The following MS4A5 variants were observed in gnomAD, a reference collection of about 807,000 sequenced individuals.
The protein encoded by MS4A5 is membrane-spanning 4-domains subfamily A member 5.
In MS4A5, 15 loss-of-function variants were observed where a neutral mutation model predicts 18.2. That is an observed-to-expected ratio of 0.83 (90% CI 0.55 to 1.27). The LOEUF is 1.27. Ranked by LOEUF, MS4A5 falls within the 50% of genes most tolerant of loss-of-function variation. The pLI, the probability that MS4A5 is intolerant of heterozygous loss-of-function variation, is 0.00. For missense variants in MS4A5, 232 were observed against 225.7 expected (o/e 1.03, Z -0.18); for synonymous variants, 89 against 78.7 (o/e 1.13, Z -0.69).
Position 60,433,697 on chromosome 11 carries a change from C to T in MS4A5, c.340-68C>T, listed in dbSNP as rs2086063591. ...CTAAAATCCTGCTCTCCATTCTCCG[C>T]ACTCATTGCTTTGTTTGTAGTACAG... On this transcript the variant is annotated intron_variant, in intron 3 of 4. Coordinates refer to ENST00000300190, the MANE Select transcript of MS4A5 (RefSeq NM_023945.3). The T allele has an allele frequency of 5.4e-6, 8 of 1,470,952 alleles. No individual in the cohort carries two copies. In the South Asian group the frequency reaches 6.0e-5, roughly 11 times the overall value. The allele number at this position is 1,470,952 out of a possible 1,614,324, so 91.1% of individuals were successfully genotyped here.
At chr11:60,442,370 C>T (rs2086117698) in intron 4 of MS4A5, among the ~76,000 whole-genome samples, 1 of 152,160 alleles carries the variant, frequency 6.6e-6, no homozygotes, top group South Asian at 2.1e-4. Context: ...AGCCATCATT[C>T]TCAGCAAACT....
rs769599167 is a variant in MS4A5 at position 60,433,938 on chromosome 11, G to C, written c.492+21G>C. On this transcript the variant is annotated intron_variant, in intron 4 of 4. Transcript: ENST00000300190. ...TCTTGGTAAGTATGTTGCATTTATAGAGTGATGAGTAAAGGGCTTAATAGA... is the reference window on the plus strand; with the variant it reads ...TCTTGGTAAGTATGTTGCATTTATACAGTGATGAGTAAAGGGCTTAATAGA... 5.0e-6 allele frequency: 8 copies of C among 1,608,516 alleles called. No individual in the cohort carries two copies. The East Asian group carries it at 1.6e-4, about 31-fold the overall frequency.
At chr11:60,435,814 C>T (rs2086076721) in intron 4 of MS4A5, among the ~76,000 whole-genome samples, 2 of 152,002 alleles carry the variant, frequency 1.3e-5, no homozygotes, top group Non-Finnish European at 2.9e-5. Context: ...GCTAGCACAG[C>T]AGTCTGAGAT....
intron 2 of MS4A5, 133 bp downstream of exon 2, chr11:60,431,057 T>C (rs1037975199): frequency 4.4e-6 from 4 of 900,488 alleles, no homozygotes; most frequent in Non-Finnish European, 6.6e-6. Context: ...TTGTTGAAAT[T>C]ATTTCCCCAT....
chr11:60,432,595 G>A (rs1253870571), intron 3 of MS4A5, 128 bp downstream of exon 3: 1 of 477,522 alleles, frequency 2.1e-6, no homozygotes, highest in Non-Finnish European at 3.7e-6. Flanking sequence ...AGACCAGCCT[G>A]GCCAACATGG....
chr11:60,436,684 G>A (rs201215147), intron 4 of MS4A5, among the ~76,000 whole-genome samples: 8,766 of 133,002 alleles, frequency 0.066, 1,589 homozygotes, highest in South Asian at 0.19. Context: ...GATGGAAGAT[G>A]AAATGAATGA....
At chr11:60,445,426 A>T (rs924590342) in intron 4 of MS4A5, among the ~76,000 whole-genome samples, 10 of 151,788 alleles carry the variant, frequency 6.6e-5, no homozygotes, top group African/African-American at 2.4e-4. Context: ...TGCCCAGCTA[A>T]TTTTTTGTAT....
At chr11:60,431,356 A>G (rs2086047553) in intron 2 of MS4A5, among the ~76,000 whole-genome samples, 1 of 152,234 alleles carries the variant, frequency 6.6e-6, no homozygotes, top group South Asian at 2.1e-4. Context: ...TATTCTTTAC[A>G]GAAGTGAAGT....
At position 60,429,685 on chromosome 11, in the gene MS4A5, G is replaced by A. The variant is rs777624175; in HGVS notation, c.11G>A (p.Ser4Asn). ...ATCACCGACACCATCATGGATTCAA[G>A]CACCGCACACAGTCCGGTGTTTCTG... MDS[S>N]TAHSPVFLVF... Residue 4 changes from serine to asparagine, a missense_variant, in exon 1 of 5, where the codon AGC becomes AAC. Physicochemically the swap from Ser to Asn is conservative, Grantham distance 46. Transcript: ENST00000300190. 4.3e-6 allele frequency: 7 copies of A among 1,609,942 alleles called. No homozygotes were observed. The highest frequency in any genetic ancestry group is 5.9e-6 in the Non-Finnish European group (7 of 1,178,894).
chr11:60,429,646 T>A lies in MS4A5; in HGVS notation c.-29T>A, dbSNP rs1441805246. The A allele has an allele frequency of 1.3e-6, 2 of 1,594,020 alleles. No homozygotes were observed. Among genetic ancestry groups the A allele is most frequent in the South Asian group, 1.1e-5 (1 of 87,184 alleles). On this transcript the variant is annotated 5_prime_UTR_variant, in exon 1 of 5. Transcript: ENST00000300190. ...CTAGACTGAAGTACCAACTAAATCA[T>A]CTCCTTTCAAATTATCACCGACACC...
chr11:60,437,032 G>A (rs2086084211), intron 4 of MS4A5, among the ~76,000 whole-genome samples: 1 of 136,450 alleles, frequency 7.3e-6, no homozygotes. Flanking sequence ...GAAAGGTTGG[G>A]TAACCCTCAA....
At chr11:60,443,921 A>T (rs2135179905) in intron 4 of MS4A5, among the ~76,000 whole-genome samples, 1 of 152,322 alleles carries the variant, frequency 6.6e-6, no homozygotes, top group Middle Eastern at 3.4e-3. Context: ...CATGACTAAC[A>T]CAGGAAAAAA....
intron 4 of MS4A5, among the ~76,000 whole-genome samples, chr11:60,436,997 A>G (rs1305553572): frequency 7.4e-6 from 1 of 135,640 alleles, no homozygotes; most frequent in Non-Finnish European, 1.6e-5. Context: ...GAAATGAAGG[A>G]AAAAATGTTA....
At chr11:60,434,228 A>G (rs936997722) in intron 4 of MS4A5, among the ~76,000 whole-genome samples, 2 of 152,180 alleles carry the variant, frequency 1.3e-5, no homozygotes, top group East Asian at 1.9e-4. Flanking sequence ...ATAGCCCTAT[A>G]TGTACATTAG....
At chr11:60,438,495 T>G (rs1307206236) in intron 4 of MS4A5, among the ~76,000 whole-genome samples, 1 of 151,940 alleles carries the variant, frequency 6.6e-6, no homozygotes, top group African/African-American at 2.4e-5. Context: ...GCTGGTTTTT[T>G]GAAAGGATCA....
At chr11:60,435,838 G>T (rs4636687) in intron 4 of MS4A5, among the ~76,000 whole-genome samples, 40,442 of 151,444 alleles carry the variant, frequency 0.27, 5,862 homozygotes, top group Admixed American at 0.39. Context: ...ACTGCAAGGC[G>T]GCAGCAAGGC....
intron 4 of MS4A5, among the ~76,000 whole-genome samples, chr11:60,444,520 C>G (rs1048583512): frequency 6.6e-6 from 1 of 152,032 alleles, no homozygotes; most frequent in Non-Finnish European, 1.5e-5. Flanking sequence ...CTATATATAT[C>G]TCTCTCTCAC....
At chr11:60,433,539 G>T (rs2086062600) in intron 3 of MS4A5, among the ~76,000 whole-genome samples, 1 of 152,222 alleles carries the variant, frequency 6.6e-6, no homozygotes, top group African/African-American at 2.4e-5. Context: ...CTTAGGCATA[G>T]AATATGGGGA....
chr11:60,434,763 A>G (rs2086069530), intron 4 of MS4A5, among the ~76,000 whole-genome samples: 1 of 152,192 alleles, frequency 6.6e-6, no homozygotes, highest in African/African-American at 2.4e-5. Context: ...TCTGAAGAGC[A>G]TGAAAGCTAC....
Sources: allele counts gnomAD v4.1 joint callset (sites outside exome capture counted in the v4.1 genomes callset), GRCh38; gene constraint gnomAD v4.1.1; transcripts MANE v1.5; gene names NCBI Gene and HGNC (gene_info 2026-07-23, HGNC 2026-07-21).